Variants in ANKRD30A observed in about 807,000 individuals in gnomAD.
ANKRD30A encodes ankyrin repeat domain 30A, also known as ankyrin repeat domain-containing protein 30A.
In ANKRD30A, 170 loss-of-function variants were observed where a neutral mutation model predicts 166.3. That is an observed-to-expected ratio of 1.02 (90% CI 0.90 to 1.16). The LOEUF (loss-of-function observed/expected upper bound fraction) is 1.16. ANKRD30A is among the 50% of genes most tolerant of loss of function. The pLI is 0.00. For missense variants in ANKRD30A, 1,630 were observed against 1,518.0 expected (o/e 1.07, Z -1.23); for synonymous variants, 564 against 508.9 (o/e 1.11, Z -1.46).
intron 11 of ANKRD30A, among the ~76,000 whole-genome samples, chr10:37,150,394 G>A (rs1201530955): frequency 6.6e-6 from 1 of 151,900 alleles, no homozygotes; most frequent in Non-Finnish European, 1.5e-5. Flanking sequence ...TTGTAAAGAT[G>A]AGGAAAGTAA....
At chr10:37,129,695 T>C (rs1836259608) in intron 1 of ANKRD30A, among the ~76,000 whole-genome samples, 198 bp from the exon 2 acceptor site, 1 of 152,190 alleles carries the variant, frequency 6.6e-6, no homozygotes, top group Non-Finnish European at 1.5e-5. Flanking sequence ...AAGCTCTTTC[T>C]ATTCAAATAG....
At chr10:37,144,668 AAGTTATCTGAGTGAAC>A in intron 7 of ANKRD30A, among the ~76,000 whole-genome samples, 1 of 152,306 alleles carries the variant, frequency 6.6e-6, no homozygotes, top group South Asian at 2.1e-4. Context: ...CAGGTAATTA[AAGTTATCTGAGTGAAC>A]AGCAAATATC....
At chr10:37,197,962 G>A (rs1841287226) in intron 29 of ANKRD30A, among the ~76,000 whole-genome samples, 1 of 152,002 alleles carries the variant, frequency 6.6e-6, no homozygotes, top group Admixed American at 6.6e-5. Flanking sequence ...GTTTATGTGT[G>A]TGTGTCTGCG....
At chr10:37,148,276 G>T (rs1428493912) in intron 9 of ANKRD30A, among the ~76,000 whole-genome samples, 2 of 151,862 alleles carry the variant, frequency 1.3e-5, no homozygotes, top group Admixed American at 6.6e-5. Flanking sequence ...GACAAAACAG[G>T]GTCAAGAGAA....
intron 34 of ANKRD30A, among the ~76,000 whole-genome samples, chr10:37,221,961 A>AT (rs1454023142): frequency 6.6e-6 from 1 of 151,354 alleles, no homozygotes; most frequent in African/African-American, 2.4e-5. Flanking sequence ...CAATTCTTTT[A>AT]TTTTTTGTTT....
At chr10:37,193,692 A>T (rs1309549690) in intron 27 of ANKRD30A, among the ~76,000 whole-genome samples, 14 of 151,534 alleles carry the variant, frequency 9.2e-5, no homozygotes, top group African/African-American at 3.4e-4. Context: ...TTTTTTTTTT[A>T]TTAGATGACT....
chr10:37,179,016 AT>A (rs1839963263), intron 24 of ANKRD30A, among the ~76,000 whole-genome samples: 1 of 2,152 alleles, frequency 4.6e-4, no homozygotes, highest in Non-Finnish European at 1.1e-3. Context: ...GGCGTCAAAT[AT>A]ATATATATAT....
At chr10:37,246,303 A>G in the ANKRD30A span, among the ~76,000 whole-genome samples, 2 of 152,202 alleles carry the variant, frequency 1.3e-5, no homozygotes, top group African/African-American at 4.8e-5. Context: ...GTTGAATTGC[A>G]TTACATTATT....
rs770706387 is a variant in ANKRD30A at position 37,193,754 on chromosome 10, T to G, written c.2614+496T>G. 1.4e-4 allele frequency among the ~76,000 whole-genome samples: 21 copies of G among 152,110 alleles called. 1 individual carries two copies. Among genetic ancestry groups the G allele is most frequent in the Non-Finnish European group, 1.8e-4 (12 of 68,028 alleles). ...AAAAATCAGTCAAGCAATCATTACTTGATGACTCTTGTCTAGACACGGTGT... is the reference window on the plus strand; with the variant it reads ...AAAAATCAGTCAAGCAATCATTACTGGATGACTCTTGTCTAGACACGGTGT... On this transcript the variant is annotated intron_variant, in intron 27 of 35. Coordinates refer to ENST00000361713, the MANE Select transcript of ANKRD30A (RefSeq NM_052997.3).
chr10:37,142,106 T>A lies in ANKRD30A; in HGVS notation c.1209T>A (p.Ser403=), dbSNP rs749114201. Residue 403 remains serine (S), a synonymous_variant, in exon 7 of 36, where the codon TCT becomes TCA. Transcript: ENST00000361713. ...TTATGAGTCCCGCAAAAGAAACATC[T>A]GAGAAATTTACGTGGGCAGCAAAAG... ...REIMSPAKET[S]EKFTWAAKGR... 3 of 1,612,712 alleles carry A rather than the reference T, an allele frequency of 1.9e-6. No homozygotes were observed. Among genetic ancestry groups the A allele is most frequent in the Non-Finnish European group, 2.5e-6 (3 of 1,179,602 alleles).
chr10:37,243,592 T>C, the ANKRD30A span, among the ~76,000 whole-genome samples: 1 of 152,144 alleles, frequency 6.6e-6, no homozygotes, highest in African/African-American at 2.4e-5. Flanking sequence ...AGTAAGTCCT[T>C]ACTTAACGTG....
chr10:37,135,798 A>C (rs1173827028), intron 5 of ANKRD30A, among the ~76,000 whole-genome samples: 2 of 152,232 alleles, frequency 1.3e-5, no homozygotes, highest in Admixed American at 6.5e-5. Context: ...TTGATGAATT[A>C]ATATATTTAT....
Position 37,142,094 on chromosome 10 carries a change from A to C in ANKRD30A, c.1197A>C (p.Ala399=). 6.2e-7 allele frequency: 1 copy of C among 1,613,074 alleles called. No individual in the cohort carries two copies. Among genetic ancestry groups the C allele is most frequent in the Non-Finnish European group, 8.5e-7 (1 of 1,179,688 alleles). Residue 399 remains alanine, a synonymous_variant, in exon 7 of 36, where the codon GCA becomes GCC. Coordinates refer to ENST00000361713, the MANE Select transcript of ANKRD30A (RefSeq NM_052997.3). ...CACCTAGGGAAATTATGAGTCCCGC[A>C]AAAGAAACATCTGAGAAATTTACGT... ...EDTPREIMSP[A]KETSEKFTWA...
chr10:37,193,917 G>A (rs544416517), intron 27 of ANKRD30A, among the ~76,000 whole-genome samples: 6 of 152,262 alleles, frequency 3.9e-5, no homozygotes, highest in East Asian at 1.9e-4. Flanking sequence ...ACAATAGGCC[G>A]TGCACGGTGG....
In ANKRD30A at chr10:37,219,650, CTG is replaced by C. The variant is rs763931520; in HGVS notation, c.3939_3940del (p.Glu1314ThrfsTer28). 6,903 of 1,609,780 alleles carry C rather than the reference CTG, an allele frequency of 4.3e-3. 25 individuals are homozygous for C. Among genetic ancestry groups the C allele is most frequent in the Non-Finnish European group, 5.2e-3 (6,132 of 1,177,494 alleles). The stretch of plus-strand genomic sequence containing the variant: ...GAACAAGATAATGTGAACAAACACA[CTG>C]AACAGCAGGAGTCTCTAGATCAGAA... On this transcript the variant is annotated frameshift_variant, in exon 34 of 36. Coordinates refer to ENST00000361713, the MANE Select transcript of ANKRD30A (RefSeq NM_052997.3). LOFTEE classifies it high-confidence loss of function.
intron 25 of ANKRD30A, among the ~76,000 whole-genome samples, chr10:37,191,615 A>C (rs1308562449): frequency 6.6e-6 from 1 of 151,964 alleles, no homozygotes; most frequent in Non-Finnish European, 1.5e-5. Context: ...TTTTGCAAAA[A>C]TCATATATAA....
intron 24 of ANKRD30A, among the ~76,000 whole-genome samples, chr10:37,183,972 C>A: frequency 6.6e-6 from 1 of 151,548 alleles, no homozygotes; most frequent in East Asian, 1.9e-4. Context: ...CACGGTGAAA[C>A]CCTGTCTCTA....
At chr10:37,231,424 TA>T in intron 34 of ANKRD30A, 36 bp from the exon 35 acceptor site, 1 of 1,559,184 alleles carries the variant, frequency 6.4e-7, no homozygotes, top group Non-Finnish European at 8.7e-7. Flanking sequence ...TAGGAAAAAA[TA>T]AAATACTAAG....
chr10:37,222,841 T>C (rs1842958904), intron 34 of ANKRD30A, among the ~76,000 whole-genome samples: 1 of 151,474 alleles, frequency 6.6e-6, no homozygotes, highest in Non-Finnish European at 1.5e-5. Context: ...TACATTGCTT[T>C]ATTTTTTCAT....
Sources: allele counts gnomAD v4.1 joint callset (sites outside exome capture counted in the v4.1 genomes callset), GRCh38; gene constraint gnomAD v4.1.1; transcripts MANE v1.5; gene names NCBI Gene and HGNC (gene_info 2026-07-23, HGNC 2026-07-21).